ADAMTSL3: variants seen among roughly 807,000 people sequenced by gnomAD.
The protein encoded by ADAMTSL3 is ADAMTS like 3.
In ADAMTSL3, 128 loss-of-function variants were observed where a neutral mutation model predicts 201.7. The ratio of observed to expected loss-of-function variants is 0.63; its 90% CI spans 0.55 to 0.73. The LOEUF (loss-of-function observed/expected upper bound fraction) is 0.73. Ranked by LOEUF, ADAMTSL3 falls within the 30% of genes least tolerant of loss-of-function variation. ADAMTSL3 has a pLI of 0.00. For missense variants in ADAMTSL3, 1,990 were observed against 2,119.6 expected, an observed-to-expected ratio of 0.94 and a Z score of 1.20; for synonymous variants, 738 against 748.4, an observed-to-expected ratio of 0.99 and a Z score of 0.23.
intron 16 of ADAMTSL3, among the ~76,000 whole-genome samples, chr15:83,921,355 C>T (rs1273881194): frequency 6.6e-6 from 1 of 152,124 alleles, no homozygotes; most frequent in Non-Finnish European, 1.5e-5. Flanking sequence ...ATTTCTAGGG[C>T]CCAAGACTAC....
chr15:84,028,004 T>C (rs1331966962), intron 27 of ADAMTSL3, among the ~76,000 whole-genome samples: 1 of 152,194 alleles, frequency 6.6e-6, no homozygotes, highest in Admixed American at 6.5e-5. Flanking sequence ...AGGACCACTC[T>C]GCATGGCACC....
At chr15:83,888,311 CAA>C (rs912143330) in intron 10 of ADAMTSL3, among the ~76,000 whole-genome samples, 38 of 152,162 alleles carry the variant, frequency 2.5e-4, no homozygotes, top group Admixed American at 5.2e-4. Flanking sequence ...TGTGATAAAA[CAA>C]AAGAGGAAAA....
Position 83,866,615 on chromosome 15 carries a change from G to C in ADAMTSL3, c.803-4187G>C, listed in dbSNP as rs577041496. Reference sequence around the variant, plus strand: ...CACACACCGGGTCCTGTTGTGGGGTGGGGGGAGTGGGGAGGGATAGCATTA... The same window carrying C: ...CACACACCGGGTCCTGTTGTGGGGTCGGGGGAGTGGGGAGGGATAGCATTA... On this transcript the variant is annotated intron_variant, in intron 8 of 29. Transcript: ENST00000286744. 5.9e-5 allele frequency among the ~76,000 whole-genome samples: 9 copies of C among 152,040 alleles called. No homozygotes were observed. The East Asian group carries it at 1.2e-3, about 20-fold the overall frequency.
chr15:83,854,813 G>A (rs559295666), intron 7 of ADAMTSL3, among the ~76,000 whole-genome samples: 2 of 152,082 alleles, frequency 1.3e-5, no homozygotes, highest in Non-Finnish European at 2.9e-5. Context: ...TGTTTTATAT[G>A]TTACTGACAA....
At chr15:83,810,179 C>G (rs1204886575) in intron 5 of ADAMTSL3, among the ~76,000 whole-genome samples, 1 of 152,294 alleles carries the variant, frequency 6.6e-6, no homozygotes, top group Middle Eastern at 3.4e-3. Flanking sequence ...TTTTATCAAC[C>G]GAGTCCTCAG....
At chr15:83,740,796 A>G (rs2062442295) in intron 3 of ADAMTSL3, among the ~76,000 whole-genome samples, 1 of 152,220 alleles carries the variant, frequency 6.6e-6, no homozygotes, top group South Asian at 2.1e-4. Flanking sequence ...TTCACATGAT[A>G]TAGAAAGGAT....
intron 4 of ADAMTSL3, among the ~76,000 whole-genome samples, chr15:83,796,714 G>A (rs2063433666): frequency 6.6e-6 from 1 of 152,198 alleles, no homozygotes; most frequent in Admixed American, 6.5e-5. Flanking sequence ...ATAGGCGGGA[G>A]TAGCAAGTGT....
chr15:83,832,064 G>A (rs1041901988), intron 6 of ADAMTSL3, among the ~76,000 whole-genome samples: 4 of 152,136 alleles, frequency 2.6e-5, no homozygotes, highest in Non-Finnish European at 5.9e-5. Context: ...CCTTGAGGCA[G>A]GTAGGAAGGG....
At chr15:83,807,148 T>C (rs191881394) in intron 5 of ADAMTSL3, among the ~76,000 whole-genome samples, 14 of 152,246 alleles carry the variant, frequency 9.2e-5, no homozygotes, top group Admixed American at 2.0e-4. Flanking sequence ...AAAAGATCTT[T>C]GCATTAAAAA....
Position 83,881,350 on chromosome 15 carries a change from C to T in ADAMTSL3, c.961-3751C>T, listed in dbSNP as rs116081808. Among the ~76,000 whole-genome samples, 935 of 152,282 alleles carry T rather than the reference C, an allele frequency of 6.1e-3. 17 individuals carry two copies. The highest frequency in any genetic ancestry group is 0.021 in the African/African-American group (892 of 41,554). On this transcript the variant is annotated intron_variant, in intron 9 of 29. Transcript: ENST00000286744. ...TTGGAAGGCCTTGAGCTCTAGTGTT[C>T]GCTTTCCACTACGTGAGGCTGATGA...
intron 15 of ADAMTSL3, among the ~76,000 whole-genome samples, chr15:83,911,879 A>G (rs1372136471): frequency 6.6e-6 from 1 of 152,258 alleles, no homozygotes; most frequent in Non-Finnish European, 1.5e-5. Flanking sequence ...TTAGTAGAAC[A>G]TAATCCCACG....
At chr15:83,696,350 G>T (rs1317329334) in intron 2 of ADAMTSL3, among the ~76,000 whole-genome samples, 4 of 152,206 alleles carry the variant, frequency 2.6e-5, no homozygotes, top group African/African-American at 9.6e-5. Context: ...TAAGTGCTGG[G>T]ATTACAGGCA....
intron 19 of ADAMTSL3, among the ~76,000 whole-genome samples, chr15:83,968,143 A>T (rs1320022001): frequency 6.6e-6 from 1 of 152,238 alleles, no homozygotes; most frequent in Non-Finnish European, 1.5e-5. Context: ...CATGACTAAA[A>T]TACCAAAAAC....
intron 24 of ADAMTSL3, 96 bp from the exon 25 acceptor site, chr15:84,016,287 A>C: frequency 2.3e-6 from 2 of 858,468 alleles, no homozygotes; most frequent in Non-Finnish European, 3.8e-6. Flanking sequence ...ATTATAGAGG[A>C]CTCATTTTCT....
At chr15:83,986,752 C>T (rs1005183112) in intron 21 of ADAMTSL3, among the ~76,000 whole-genome samples, 2 of 152,128 alleles carry the variant, frequency 1.3e-5, no homozygotes, top group African/African-American at 2.4e-5. Flanking sequence ...GAGTACTGTT[C>T]GGATGACAAT....
Position 84,017,408 on chromosome 15 carries a change from T to C in ADAMTSL3, c.4273+909T>C, listed in dbSNP as rs370802448. On this transcript the variant is annotated intron_variant, in intron 25 of 29. Coordinates refer to ENST00000286744, the MANE Select transcript of ADAMTSL3 (RefSeq NM_207517.3). ...CTGAGATTACAGGCGTGAGCCACTG[T>C]GCCCGGCCACAAAGAAACTCCTTTT... 2.1e-4 allele frequency among the ~76,000 whole-genome samples: 32 copies of C among 152,316 alleles called. No individual in the cohort carries two copies. The East Asian group carries it at 2.9e-3, about 14-fold the overall frequency.
intron 5 of ADAMTSL3, among the ~76,000 whole-genome samples, chr15:83,807,215 G>C (rs950281515): frequency 6.6e-6 from 1 of 152,174 alleles, no homozygotes; most frequent in South Asian, 2.1e-4. Context: ...CAGCACTTTG[G>C]GAGGCTGAGG....
chr15:83,657,506 T>A, intron 2 of ADAMTSL3, among the ~76,000 whole-genome samples: 1 of 152,240 alleles, frequency 6.6e-6, no homozygotes, highest in East Asian at 1.9e-4. Context: ...CGTCTCTGCA[T>A]CGCATCTCAG....
chr15:83,673,644 G>T (rs1378969830), intron 2 of ADAMTSL3, among the ~76,000 whole-genome samples: 2 of 152,174 alleles, frequency 1.3e-5, no homozygotes, highest in African/African-American at 4.8e-5. Context: ...AGGGAAGTTT[G>T]TCCTTCAAAA....
Sources: gnomAD v4.1 joint callset for allele counts (sites outside exome capture counted in the v4.1 genomes callset) on GRCh38, gnomAD v4.1.1 for gene constraint, MANE v1.5 for transcripts, NCBI Gene and HGNC (gene_info 2026-07-23, HGNC 2026-07-21) for gene names.